WDR59: variants seen among roughly 807,000 people sequenced by gnomAD.
WDR59 encodes WD repeat domain 59.
WDR59 carries 100 observed loss-of-function variants against 131.2 expected under a neutral mutation model. The ratio of observed to expected loss-of-function variants is 0.76; its 90% CI spans 0.65 to 0.90. The LOEUF (loss-of-function observed/expected upper bound fraction) is 0.90. Among genes scored for constraint, WDR59 ranks in the 40% least tolerant of loss-of-function variants. The probability of loss-of-function intolerance (pLI) is 0.00; values close to 1 mark genes in which losing one functional copy is unlikely to be tolerated. For missense variants in WDR59, 1,203 were observed against 1,262.2 expected (o/e 0.95, Z 0.71); for synonymous variants, 601 against 466.2 (o/e 1.29, Z -3.72).
intron 7 of WDR59, among the ~76,000 whole-genome samples, chr16:74,939,865 AT>A (rs2032080853): frequency 1.3e-5 from 2 of 152,118 alleles, no homozygotes; most frequent in African/African-American, 4.8e-5. Context: ...ATAGTGGTGC[AT>A]ACCTGCAGTC....
rs78730045 is a variant in WDR59, at chr16:74,952,027, C to T, written c.241-484G>A. On this transcript the variant is annotated intron_variant, in intron 3 of 25. Transcript: ENST00000262144. ...CTTGAGATGGGATCTACATTGCCCA[C>T]GCTTTTCTAGAACTCCTAGGCTCAA... 8.0e-3 allele frequency among the ~76,000 whole-genome samples: 1,207 copies of T among 151,502 alleles called. 15 individuals are homozygous for T. Among genetic ancestry groups the T allele is most frequent in the African/African-American group, 0.028 (1,140 of 41,276 alleles).
rs199576675 is a variant in WDR59, at chr16:74,889,736, C to T, written c.2162G>A (p.Arg721Gln). The change falls in exon 21 of 26, where the codon CGA becomes CAA. Residue 721 changes from arginine (R) to glutamine (Q), a missense_variant. By Grantham distance (43) the Arg-to-Gln change is conservative (BLOSUM62 1). Coordinates refer to ENST00000262144, the MANE Select transcript of WDR59 (RefSeq NM_030581.4). ...SDPDLETPWA[R>Q]HPFGRQLLES... Reference sequence around the variant, plus strand: ...CAGCAGCTGCCGCCCAAATGGATGTCGAGCCCAGGGTGTTTCCAAATCTGG... The same window carrying T: ...CAGCAGCTGCCGCCCAAATGGATGTTGAGCCCAGGGTGTTTCCAAATCTGG... 5.5e-5 allele frequency: 88 copies of T among 1,613,948 alleles called. No homozygotes were observed. The highest frequency in any genetic ancestry group is 4.9e-5 in the Non-Finnish European group (58 of 1,180,012).
intron 1 of WDR59, among the ~76,000 whole-genome samples, chr16:74,979,768 C>G (rs2145254599): frequency 6.7e-6 from 1 of 148,808 alleles, no homozygotes; most frequent in East Asian, 2.0e-4. Context: ...CTCGAACTCC[C>G]AACCTCAAGA....
intron 2 of WDR59, among the ~76,000 whole-genome samples, chr16:74,964,740 G>A (rs1002787339): frequency 6.6e-6 from 1 of 151,988 alleles, no homozygotes; most frequent in Non-Finnish European, 1.5e-5. Context: ...AAAGGAAAAG[G>A]GGACCATGAC....
chr16:74,980,354 GTCT>G (rs1160915628), intron 1 of WDR59, among the ~76,000 whole-genome samples: 4 of 146,898 alleles, frequency 2.7e-5, no homozygotes, highest in Non-Finnish European at 6.0e-5. Flanking sequence ...AAAAATCTAA[GTCT>G]TTTTTTTTTT....
At chr16:74,934,950 C>T (rs764392651) in intron 8 of WDR59, among the ~76,000 whole-genome samples, 9 of 152,046 alleles carry the variant, frequency 5.9e-5, no homozygotes, top group African/African-American at 4.8e-5. Flanking sequence ...CAAGGGTGGT[C>T]GGGCATGGTG....
At chr16:74,923,059 A>G (rs2030407028) in intron 9 of WDR59, among the ~76,000 whole-genome samples, 1 of 152,220 alleles carries the variant, frequency 6.6e-6, no homozygotes, top group Non-Finnish European at 1.5e-5. Flanking sequence ...GTAGCATTTA[A>G]TGGTTTAGAA....
rs1964056019 is a variant in WDR59, at chr16:74,873,528, A to G, written c.*681T>C. 6.6e-6 allele frequency: 1 copy of G among 151,754 alleles called. No individual in the cohort carries two copies. Among genetic ancestry groups the G allele is most frequent in the Admixed American group, 6.6e-5 (1 of 15,238 alleles). 9.4% of individuals were successfully genotyped at this position (151,754 alleles called of 1,614,324 possible). A position where few individuals can be genotyped will look rare whatever the true frequency, so the allele number is the denominator to read the frequency against. Reference sequence around the variant, plus strand: ...GACTTTGGTCCTATTCAAAATAGCTACCTTCAATTAGAATTAGGGTAAAAA... The same window carrying G: ...GACTTTGGTCCTATTCAAAATAGCTGCCTTCAATTAGAATTAGGGTAAAAA... On this transcript the variant is annotated 3_prime_UTR_variant, in exon 26 of 26. Coordinates refer to ENST00000262144, the MANE Select transcript of WDR59 (RefSeq NM_030581.4).
intron 19 of WDR59, among the ~76,000 whole-genome samples, chr16:74,892,887 T>C (rs1965112918): frequency 6.6e-6 from 1 of 152,216 alleles, no homozygotes; most frequent in Non-Finnish European, 1.5e-5. Flanking sequence ...TGAATAAAAA[T>C]GAATTGAAAT....
rs375857249 is a variant in WDR59 at position 74,882,068 on chromosome 16, G to A, written c.2689+3585C>T. On this transcript the variant is annotated intron_variant, in intron 25 of 25. Coordinates refer to ENST00000262144, the MANE Select transcript of WDR59 (RefSeq NM_030581.4). ...AGTTTATACTTCATTCTCTCTGACT[G>A]CACTACAGACATCTTGACCCACCAA... is the stretch of plus-strand genomic sequence containing the variant. 2.8e-4 allele frequency among the ~76,000 whole-genome samples: 42 copies of A among 152,100 alleles called. 1 individual carries two copies. In the East Asian group the frequency reaches 6.2e-3, roughly 22 times the overall value.
Position 74,892,529 on chromosome 16 carries a change from C to G in WDR59, c.2037G>C (p.Lys679Asn), listed in dbSNP as rs1460907417. ...CAACGAGCAAGGCAGAGGCGGCATT[C>G]TTCTGACATGTTTCCTGAATATCAT... ...NVNDIQETCQ[K>N]NAASALLVGR... Residue 679 changes from lysine to asparagine, a missense_variant, in exon 20 of 26, where the codon AAG becomes AAC. Physicochemically the swap from Lys to Asn is moderately conservative, Grantham distance 94. Transcript: ENST00000262144. The G allele has an allele frequency of 1.2e-6, 2 of 1,613,800 alleles. No individual in the cohort carries two copies. Among genetic ancestry groups the G allele is most frequent in the African/African-American group, 2.7e-5 (2 of 74,952 alleles).
chr16:74,932,748 C>T (rs2031499126), intron 8 of WDR59, among the ~76,000 whole-genome samples: 1 of 152,146 alleles, frequency 6.6e-6, no homozygotes, highest in South Asian at 2.1e-4. Context: ...CTCAGACTCC[C>T]AAAGTGCTGG....
intron 18 of WDR59, among the ~76,000 whole-genome samples, chr16:74,898,035 T>C (rs1314076644): frequency 6.6e-6 from 1 of 152,170 alleles, no homozygotes; most frequent in Non-Finnish European, 1.5e-5. Context: ...TCAGGGTATT[T>C]TCCCCAGTGC....
chr16:74,932,725 G>C (rs1450748459), intron 8 of WDR59, among the ~76,000 whole-genome samples: 1 of 152,146 alleles, frequency 6.6e-6, no homozygotes, highest in Non-Finnish European at 1.5e-5. Flanking sequence ...CTGGGCTCAA[G>C]TGATCCTCCC....
intron 13 of WDR59, among the ~76,000 whole-genome samples, chr16:74,914,993 C>T (rs1318994742): frequency 1.3e-5 from 2 of 152,170 alleles, no homozygotes; most frequent in Non-Finnish European, 2.9e-5. Context: ...TGGAGAGATA[C>T]TCAATTTTCT....
In WDR59 at chr16:74,888,319, C is replaced by G. The variant is rs777410895; in HGVS notation, c.2196G>C (p.Leu732=). ...CCCGGAGCCGGCAATAGTGAGCCAA[C>G]CTGAGGAAAAGATAAGAGGAAAGAA... ...HPFGRQLLES[L]LAHYCRLRDV... is the part of the protein sequence containing the mutation. Residue 732 remains leucine (L), a splice_region_variant and synonymous_variant, in exon 22 of 26, where the codon CTG becomes CTC. Transcript: ENST00000262144. 1 of 1,611,300 alleles carries G rather than the reference C, an allele frequency of 6.2e-7. No individual in the cohort carries two copies. The highest frequency in any genetic ancestry group is 8.5e-7 in the Non-Finnish European group (1 of 1,179,050).
At chr16:74,894,914 C>A (rs531525520) in intron 18 of WDR59, among the ~76,000 whole-genome samples, 1 of 152,140 alleles carries the variant, frequency 6.6e-6, no homozygotes, top group Non-Finnish European at 1.5e-5. Context: ...AAAGTGTACT[C>A]TAGAAACATG....
intron 20 of WDR59, among the ~76,000 whole-genome samples, chr16:74,890,224 CA>C (rs1373427200): frequency 6.6e-6 from 1 of 152,218 alleles, no homozygotes; most frequent in East Asian, 1.9e-4. Context: ...AATCACAGCT[CA>C]CTGCCACCTC....
intron 1 of WDR59, among the ~76,000 whole-genome samples, chr16:74,970,526 A>G (rs905346678): frequency 7.0e-6 from 1 of 143,202 alleles, no homozygotes; most frequent in Non-Finnish European, 1.5e-5. Flanking sequence ...AAAAAAAAAA[A>G]AGCAGCTCTC....
Sources: gnomAD v4.1 joint callset for allele counts (sites outside exome capture counted in the v4.1 genomes callset) on GRCh38, gnomAD v4.1.1 for gene constraint, MANE v1.5 for transcripts, NCBI Gene and HGNC (gene_info 2026-07-23, HGNC 2026-07-21) for gene names.